Variants in APCDD1L observed in about 807,000 individuals in gnomAD.
APCDD1L encodes APC down-regulated 1 like.
A neutral mutation model predicts 24.2 loss-of-function variants in APCDD1L; 21 were observed. The ratio of observed to expected loss-of-function variants is 0.87; its 90% CI spans 0.61 to 1.25. The LOEUF (loss-of-function observed/expected upper bound fraction) is 1.25. APCDD1L is among the 50% of genes most tolerant of loss of function. The probability of loss-of-function intolerance (pLI) is 0.00; values close to 1 mark genes in which losing one functional copy is unlikely to be tolerated. For synonymous variants in APCDD1L, 321 were observed against 323.6 expected, an observed-to-expected ratio of 0.99 and a Z score of 0.09; for missense variants, 704 against 711.7, an observed-to-expected ratio of 0.99 and a Z score of 0.12.
At chr20:58,501,283 C>G (rs1179291453) in intron 1 of APCDD1L, among the ~76,000 whole-genome samples, 1 of 152,190 alleles carries the variant, frequency 6.6e-6, no homozygotes, top group African/African-American at 2.4e-5. Context: ...CCCCCTGTAC[C>G]TCAGAGCATG....
intron 1 of APCDD1L, among the ~76,000 whole-genome samples, chr20:58,474,616 A>G (rs1468877198): frequency 1.3e-5 from 2 of 152,226 alleles, no homozygotes; most frequent in African/African-American, 4.8e-5. Context: ...AGGCAGAAGA[A>G]TCGCTTGAAC....
At chr20:58,502,316 G>A (rs888952495) in intron 1 of APCDD1L, among the ~76,000 whole-genome samples, 2 of 152,130 alleles carry the variant, frequency 1.3e-5, no homozygotes, top group Non-Finnish European at 2.9e-5. Context: ...GGCCAGGCTG[G>A]TCTTGAACTC....
Position 58,514,773 on chromosome 20 carries a change from A to G in APCDD1L, c.-66T>C, listed in dbSNP as rs1210855806. 3 of 1,229,022 alleles carry G rather than the reference A, an allele frequency of 2.4e-6. No homozygotes were observed. 76.1% of individuals were successfully genotyped at this position (1,229,022 alleles called of 1,614,324 possible). A position where few individuals can be genotyped will look rare whatever the true frequency, so the allele number is the denominator to read the frequency against. Reference sequence around the variant, plus strand: ...GGTGCGCAAGGGGAGGCGCGGGCGCAGGGCTCTCGGACGGCTGCGGGCGCC... The same window carrying G: ...GGTGCGCAAGGGGAGGCGCGGGCGCGGGGCTCTCGGACGGCTGCGGGCGCC... On this transcript the variant is annotated 5_prime_UTR_variant, in exon 1 of 4. Transcript: ENST00000371149.
At chr20:58,500,795 G>A (rs916457357) in intron 1 of APCDD1L, among the ~76,000 whole-genome samples, 6 of 152,068 alleles carry the variant, frequency 3.9e-5, no homozygotes, top group African/African-American at 7.2e-5. Context: ...GGAAGCCACC[G>A]TCTACCAGGA....
chr20:58,503,049 A>G (rs1990471338), intron 1 of APCDD1L, among the ~76,000 whole-genome samples: 1 of 152,156 alleles, frequency 6.6e-6, no homozygotes, highest in Admixed American at 6.5e-5. Flanking sequence ...AACCACCATC[A>G]GAGGCAGAAA....
At chr20:58,486,854 GTTTTTTTTTTTT>G (rs747539318) in intron 1 of APCDD1L, among the ~76,000 whole-genome samples, 6 of 80,438 alleles carry the variant, frequency 7.5e-5, no homozygotes, top group South Asian at 5.4e-4. Context: ...TGGAGGGAAG[GTTTTTTTTTTTT>G]TTTTTTTTTT....
At chr20:58,489,227 A>AAAAC (rs1290250642) in intron 1 of APCDD1L, among the ~76,000 whole-genome samples, 2 of 152,094 alleles carry the variant, frequency 1.3e-5, no homozygotes, top group Non-Finnish European at 2.9e-5. Flanking sequence ...CAAACCAACC[A>AAAAC]AAACAAACAA....
At chr20:58,476,468 C>T (rs6070477) in intron 1 of APCDD1L, among the ~76,000 whole-genome samples, 3,729 of 152,300 alleles carry the variant, frequency 0.024, 58 homozygotes, top group Non-Finnish European at 0.034. Flanking sequence ...GGATTACAGG[C>T]GTGAGCCACT....
chr20:58,497,919 C>T lies in APCDD1L; in HGVS notation c.49+16740G>A, dbSNP rs1294655418. On this transcript the variant is annotated intron_variant, in intron 1 of 3. Coordinates refer to ENST00000371149, the MANE Select transcript of APCDD1L (RefSeq NM_153360.3). This position sits in a 1 kb window ranked among gnomAD's most constrained non-coding sequence, Gnocchi z 4.3. Reference sequence around the variant, plus strand: ...CACACCTCAATCATTTCTCTCCCTTCTCGGCAGCAACAACCATTATCGGTT... The same window carrying T: ...CACACCTCAATCATTTCTCTCCCTTTTCGGCAGCAACAACCATTATCGGTT... 6.6e-6 allele frequency among the ~76,000 whole-genome samples: 1 copy of T among 152,204 alleles called. No individual in the cohort carries two copies. The highest frequency in any genetic ancestry group is 2.4e-5 in the African/African-American group (1 of 41,434).
At chr20:58,514,196 C>T (rs1485829876) in intron 1 of APCDD1L, among the ~76,000 whole-genome samples, 1 of 152,160 alleles carries the variant, frequency 6.6e-6, no homozygotes, top group African/African-American at 2.4e-5. Context: ...AGCTTCTCCC[C>T]GAGTCCTGCT....
intron 1 of APCDD1L, among the ~76,000 whole-genome samples, chr20:58,495,683 T>C (rs1035971483): frequency 8.5e-5 from 13 of 152,064 alleles, no homozygotes; most frequent in African/African-American, 2.9e-4. Context: ...AGAGACATGT[T>C]TGGGGGAAAG....
In APCDD1L at chr20:58,508,030, G is replaced by C. The variant is rs868622532; in HGVS notation, c.49+6629C>G. Among the ~76,000 whole-genome samples the C allele has an allele frequency of 6.6e-6, 1 of 152,234 alleles. No homozygotes were observed. Among genetic ancestry groups the C allele is most frequent in the Non-Finnish European group, 1.5e-5 (1 of 68,050 alleles). On this transcript the variant is annotated intron_variant, in intron 1 of 3. Coordinates refer to ENST00000371149, the MANE Select transcript of APCDD1L (RefSeq NM_153360.3). The surrounding 1 kb of genome is among the most constrained non-coding windows in gnomAD (Gnocchi z 4.0). ...TGAGTGCTCTCCTAGGTCACCCATG[G>C]GGGTGGTGCTGGTACAACTCATTTG...
chr20:58,496,174 T>C (rs888838188), intron 1 of APCDD1L, among the ~76,000 whole-genome samples: 2 of 152,190 alleles, frequency 1.3e-5, no homozygotes, highest in African/African-American at 4.8e-5. Flanking sequence ...TATTCAGCCA[T>C]AACCTGTGCC....
At chr20:58,492,388 G>A (rs1407781323) in intron 1 of APCDD1L, among the ~76,000 whole-genome samples, 1 of 152,186 alleles carries the variant, frequency 6.6e-6, no homozygotes, top group Non-Finnish European at 1.5e-5. Context: ...ACACAAGTTG[G>A]TATTTCACAA....
intron 1 of APCDD1L, among the ~76,000 whole-genome samples, chr20:58,496,135 A>G (rs1043290941): frequency 5.3e-5 from 8 of 152,248 alleles, no homozygotes; most frequent in Admixed American, 5.2e-4. Context: ...ATCCTAAAAA[A>G]GGCCTTTTTG....
chr20:58,464,897 C>T (rs1989679338), intron 3 of APCDD1L, among the ~76,000 whole-genome samples: 1 of 150,850 alleles, frequency 6.6e-6, no homozygotes, highest in African/African-American at 2.4e-5. Context: ...CATTGGTGAG[C>T]AGACCTTTAA....
At chr20:58,470,861 C>T in intron 1 of APCDD1L, 114 bp from the exon 2 acceptor site, 1 of 1,396,776 alleles carries the variant, frequency 7.2e-7, no homozygotes, top group Non-Finnish European at 9.4e-7. Context: ...GTCCCGCAAC[C>T]TCCATCGCAG....
Position 58,473,054 on chromosome 20 carries a change from G to A in APCDD1L, c.50-2307C>T, listed in dbSNP as rs575472075. On this transcript the variant is annotated intron_variant, in intron 1 of 3. Transcript: ENST00000371149. Reference sequence around the variant, plus strand: ...AACCTGTCCAAAAGTGTTGATTTGGGGGAATGGATGAAAACAGAGCGAGGA... The same window carrying A: ...AACCTGTCCAAAAGTGTTGATTTGGAGGAATGGATGAAAACAGAGCGAGGA... 7.9e-5 allele frequency among the ~76,000 whole-genome samples: 12 copies of A among 152,272 alleles called. No homozygotes were observed. The South Asian group carries it at 2.5e-3, about 32-fold the overall frequency.
intron 1 of APCDD1L, among the ~76,000 whole-genome samples, chr20:58,505,711 A>T (rs2123191285): frequency 6.6e-6 from 1 of 152,222 alleles, no homozygotes; most frequent in South Asian, 2.1e-4. Context: ...TATATGCTGA[A>T]GTCCTAACTC....
Sources: allele counts gnomAD v4.1 joint callset (sites outside exome capture counted in the v4.1 genomes callset), GRCh38; gene constraint gnomAD v4.1.1; non-coding constraint Gnocchi (gnomAD v3.1); transcripts MANE v1.5; gene names NCBI Gene and HGNC (gene_info 2026-07-23, HGNC 2026-07-21).